Variants in RASA3 observed in about 807,000 individuals in gnomAD.
The protein encoded by RASA3 is RAS p21 protein activator 3.
In RASA3, 73 loss-of-function variants were observed where a neutral mutation model predicts 110.0. The ratio of observed to expected loss-of-function variants is 0.66; its 90% confidence interval spans 0.55 to 0.81. RASA3 has a LOEUF of 0.81. RASA3 is among the 30% of genes least tolerant of loss of function. The probability of loss-of-function intolerance (pLI) is 0.00; values close to 1 mark genes in which losing one functional copy is unlikely to be tolerated. For synonymous variants in RASA3, 500 were observed against 451.4 expected (o/e 1.11, Z -1.37); for missense variants, 976 against 1,113.2 (o/e 0.88, Z 1.75).
At position 114,114,541 on chromosome 13, in the gene RASA3, G is replaced by A. The variant is rs1004588565; in HGVS notation, c.55+17894C>T. Among the ~76,000 whole-genome samples, 1 of 152,076 alleles carries A rather than the reference G, an allele frequency of 6.6e-6. No homozygotes were observed. Among genetic ancestry groups the A allele is most frequent in the African/African-American group, 2.4e-5 (1 of 41,378 alleles). The stretch of plus-strand genomic sequence containing the variant: ...TTCACTTGCTAAATGGTGCAAAATG[G>A]GCCCAGACCCTCATTTTACCTTTAC... On this transcript the variant is annotated intron_variant, in intron 1 of 23. Transcript: ENST00000334062. This position sits in a 1 kb window ranked among gnomAD's most constrained non-coding sequence, Gnocchi z 4.8.
At chr13:114,029,684 A>G in intron 5 of RASA3, 127 bp downstream of exon 5, 1 of 908,052 alleles carries the variant, frequency 1.1e-6, no homozygotes, top group Non-Finnish European at 1.7e-6. Context: ...ACCTCTAAAC[A>G]GTGTCATCCT....
chr13:114,030,774 G>A (rs1023005065), intron 4 of RASA3, among the ~76,000 whole-genome samples: 5 of 151,416 alleles, frequency 3.3e-5, no homozygotes, highest in South Asian at 2.1e-4. Flanking sequence ...TGAGCATGCT[G>A]CTGTGTGTGC....
chr13:113,993,173 T>G (rs2053158249), intron 21 of RASA3, among the ~76,000 whole-genome samples: 1 of 152,174 alleles, frequency 6.6e-6, no homozygotes, highest in African/African-American at 2.4e-5. Flanking sequence ...CTTGTTTCCC[T>G]GCTCATTCTA....
At chr13:114,000,709 G>C (rs993658809) in intron 19 of RASA3, 117 bp downstream of exon 19, 21 of 791,404 alleles carry the variant, frequency 2.7e-5, no homozygotes, top group Middle Eastern at 3.1e-4. Flanking sequence ...GCGGCCCCGG[G>C]CTCTGCCCGC....
chr13:114,017,596 G>C (rs2053822566), intron 11 of RASA3, among the ~76,000 whole-genome samples: 1 of 152,246 alleles, frequency 6.6e-6, no homozygotes, highest in Admixed American at 6.5e-5. Flanking sequence ...CAGCTCAGGA[G>C]GAGCCTGGCT....
chr13:114,130,144 C>T (rs569380840), intron 1 of RASA3, among the ~76,000 whole-genome samples: 30 of 152,338 alleles, frequency 2.0e-4, no homozygotes, highest in African/African-American at 6.3e-4. Flanking sequence ...CCAGCGCACC[C>T]ACAGGTCACC....
intron 1 of RASA3, among the ~76,000 whole-genome samples, chr13:114,082,729 G>A (rs1442541886): frequency 6.6e-6 from 1 of 152,194 alleles, no homozygotes; most frequent in African/African-American, 2.4e-5. Context: ...AGAGGGGAAG[G>A]GACAGGCCTG....
chr13:114,070,219 C>T (rs986980339), intron 2 of RASA3, among the ~76,000 whole-genome samples: 6 of 21,466 alleles, frequency 2.8e-4, no homozygotes, highest in Non-Finnish European at 4.8e-4. Context: ...GTGGGAGACT[C>T]GGGGGATGGG....
intron 1 of RASA3, among the ~76,000 whole-genome samples, chr13:114,117,775 T>C (rs1333223579): frequency 1.8e-5 from 2 of 110,106 alleles, no homozygotes; most frequent in Non-Finnish European, 3.7e-5. Flanking sequence ...TGAGAGCACG[T>C]GTGTGAGGAG....
chr13:114,043,681 C>A (rs61973889), intron 3 of RASA3, among the ~76,000 whole-genome samples: 23,772 of 152,002 alleles, frequency 0.16, 1,893 homozygotes, highest in South Asian at 0.17. Flanking sequence ...GCACAGGAAA[C>A]AGGCCCCAGC....
chr13:114,014,478 G>C lies in RASA3; in HGVS notation c.1405+731C>G, dbSNP rs1227418059. Among the ~76,000 whole-genome samples the C allele has an allele frequency of 6.6e-6, 1 of 152,182 alleles. No individual in the cohort carries two copies. The highest frequency in any genetic ancestry group is 2.4e-5 in the African/African-American group (1 of 41,454). ...CCATGGCCACCCCGGGGTGTCTGCA[G>C]CTGTCCCGAGGCCACAGGACACGCA... On this transcript the variant is annotated intron_variant, in intron 14 of 23. Transcript: ENST00000334062. The surrounding 1 kb of genome is among the most constrained non-coding windows in gnomAD (Gnocchi z 4.5).
At chr13:114,092,212 G>C (rs2079897280) in intron 1 of RASA3, among the ~76,000 whole-genome samples, 1 of 151,822 alleles carries the variant, frequency 6.6e-6, no homozygotes, top group Non-Finnish European at 1.5e-5. Flanking sequence ...ACTAATTTGG[G>C]GGTTGGCTTC....
intron 23 of RASA3, among the ~76,000 whole-genome samples, chr13:113,981,037 C>T (rs938185045): frequency 1.3e-5 from 2 of 152,174 alleles, no homozygotes; most frequent in Non-Finnish European, 2.9e-5. Flanking sequence ...CCTGGGTACC[C>T]ACTGGATGGA....
intron 4 of RASA3, among the ~76,000 whole-genome samples, chr13:114,036,527 T>A (rs932127528): frequency 6.6e-6 from 1 of 151,716 alleles, no homozygotes; most frequent in Non-Finnish European, 1.5e-5. Flanking sequence ...AGTTGTGGGG[T>A]TTTTTTTCTT....
At chr13:113,980,391 A>C (rs2052901537) in intron 23 of RASA3, among the ~76,000 whole-genome samples, 2 of 108,946 alleles carry the variant, frequency 1.8e-5, no homozygotes, top group African/African-American at 7.2e-5. Flanking sequence ...GCCTCCTCCC[A>C]CGTGTGCACC....
intron 12 of RASA3, 74 bp from the exon 13 acceptor site, chr13:114,016,345 A>T (rs1594327641): frequency 8.7e-7 from 1 of 1,151,398 alleles, no homozygotes; most frequent in East Asian, 2.4e-5. Flanking sequence ...AAGGGGTCTC[A>T]GGCCTGGCTG....
At position 114,056,820 on chromosome 13, in the gene RASA3, GT is replaced by G; in HGVS notation, c.174-4666del. ...GTGCCCCTTTCTAAATGTAAAAGCG[GT>G]TTATAGCAACACAGCATGGCCCTGC... On this transcript the variant is annotated intron_variant, in intron 2 of 23. Transcript: ENST00000334062. The surrounding 1 kb of genome is among the most constrained non-coding windows in gnomAD (Gnocchi z 5.7). 1 of 424,668 alleles carries G rather than the reference GT, an allele frequency of 2.4e-6. No homozygotes were observed. The highest frequency in any genetic ancestry group is 3.2e-6 in the Non-Finnish European group (1 of 317,222). The allele number at this position is 424,668 out of a possible 1,614,324, so 26.3% of individuals were successfully genotyped here.
chr13:113,994,347 T>C (rs2053186307), intron 21 of RASA3, among the ~76,000 whole-genome samples: 1 of 152,350 alleles, frequency 6.6e-6, no homozygotes, highest in South Asian at 2.1e-4. Flanking sequence ...ATATTTATGC[T>C]GTCTGGGGAT....
intron 2 of RASA3, among the ~76,000 whole-genome samples, chr13:114,073,195 G>A (rs111699237): frequency 6.1e-5 from 9 of 147,598 alleles, no homozygotes; most frequent in African/African-American, 1.0e-4. Context: ...GCAGGAAAAC[G>A]GGACGGTGAC....
Sources: gnomAD v4.1 joint callset for allele counts (sites outside exome capture counted in the v4.1 genomes callset) on GRCh38, gnomAD v4.1.1 for gene constraint, Gnocchi (gnomAD v3.1) non-coding constraint, MANE v1.5 for transcripts, NCBI Gene and HGNC (gene_info 2026-07-23, HGNC 2026-07-21) for gene names.